The following MSRB3 variants were observed in gnomAD, a reference collection of about 807,000 sequenced individuals.
The protein encoded by MSRB3 is methionine-R-sulfoxide reductase B3.
Under a neutral mutation model 21.0 loss-of-function variants are expected in MSRB3, and 13 were observed. The observed-to-expected ratio is 0.62, with a 90% confidence interval of 0.40 to 0.98. The LOEUF is 0.98. MSRB3 is among the 50% of genes least tolerant of loss of function. The pLI, the probability that MSRB3 is intolerant of heterozygous loss-of-function variation, is 0.00. For missense variants in MSRB3, 199 were observed against 230.3 expected (o/e 0.86, Z 0.88); for synonymous variants, 87 against 88.6 (o/e 0.98, Z 0.10).
rs1592662446 is a variant in MSRB3, at chr12:65,464,965, C to T, written c.*1643C>T. 6.6e-6 allele frequency: 1 copy of T among 152,224 alleles called. No homozygotes were observed. Among genetic ancestry groups the T allele is most frequent in the Non-Finnish European group, 1.5e-5 (1 of 68,046 alleles). 9.4% of individuals were successfully genotyped at this position (152,224 alleles called of 1,614,324 possible). ...AATATTTGTAAAATGTATTGATACT[C>T]TCAGGGCAAATTCACTATATTGCTA... On this transcript the variant is annotated 3_prime_UTR_variant, in exon 7 of 7. Transcript: ENST00000308259.
chr12:65,389,623 G>A (rs10748018), intron 5 of MSRB3, among the ~76,000 whole-genome samples: 98,814 of 151,972 alleles, frequency 0.65, 32,248 homozygotes, highest in Admixed American at 0.72. Context: ...TCCATGTCCC[G>A]ATCCCTTCCC....
At chr12:65,340,778 T>G (rs1876085424) in intron 4 of MSRB3, among the ~76,000 whole-genome samples, 1 of 152,006 alleles carries the variant, frequency 6.6e-6, no homozygotes, top group Non-Finnish European at 1.5e-5. Context: ...AAAACTATTT[T>G]AACGTAAGAG....
At chr12:65,409,396 A>G (rs1358051701) in intron 5 of MSRB3, among the ~76,000 whole-genome samples, 1 of 152,114 alleles carries the variant, frequency 6.6e-6, no homozygotes, top group Non-Finnish European at 1.5e-5. Flanking sequence ...ATATTACTGT[A>G]TTGAATACTG....
chr12:65,313,951 T>C (rs1874140799), intron 2 of MSRB3, among the ~76,000 whole-genome samples: 1 of 152,208 alleles, frequency 6.6e-6, no homozygotes, highest in Non-Finnish European at 1.5e-5. Context: ...ATTATTGATA[T>C]TAGCACATAG....
chr12:65,346,641 T>C (rs1022278990), intron 4 of MSRB3, among the ~76,000 whole-genome samples: 1 of 152,192 alleles, frequency 6.6e-6, no homozygotes, highest in East Asian at 1.9e-4. Flanking sequence ...TTTGGTGTTT[T>C]AGACACGAAG....
At chr12:65,396,881 A>T (rs997991825) in intron 5 of MSRB3, among the ~76,000 whole-genome samples, 2 of 152,182 alleles carry the variant, frequency 1.3e-5, no homozygotes, top group Admixed American at 6.5e-5. Context: ...TATCCAGTTG[A>T]TTGATGGTGT....
At chr12:65,450,841 G>GTCTGTAAGGAGTATGATTTTA (rs1882823089) in intron 5 of MSRB3, among the ~76,000 whole-genome samples, 1 of 152,188 alleles carries the variant, frequency 6.6e-6, no homozygotes, top group African/African-American at 2.4e-5. Flanking sequence ...GCAGTGAAGA[G>GTCTGTAAGGAGTATGATTTTA]TTCCTTCTTT....
Position 65,278,874 on chromosome 12 carries a change from G to C in MSRB3, c.-52+9G>C. On this transcript the variant is annotated intron_variant, in intron 1 of 6. Transcript: ENST00000308259. ...GGGAAGTGCGCAGTCCGGTAAGTTC[G>C]GGCTCCCCTCCCCTCTCCTCCTCGC... The C allele has an allele frequency of 1.9e-6, 3 of 1,553,848 alleles. No homozygotes were observed. Among genetic ancestry groups the C allele is most frequent in the Non-Finnish European group, 2.6e-6 (3 of 1,148,370 alleles).
At chr12:65,450,538 T>C (rs1882811038) in intron 5 of MSRB3, among the ~76,000 whole-genome samples, 1 of 152,206 alleles carries the variant, frequency 6.6e-6, no homozygotes, top group African/African-American at 2.4e-5. Context: ...TGGGGTGAAC[T>C]GAGTCTGTTT....
chr12:65,430,924 C>G (rs1051098745), intron 5 of MSRB3, among the ~76,000 whole-genome samples: 3 of 152,050 alleles, frequency 2.0e-5, no homozygotes, highest in African/African-American at 7.2e-5. Flanking sequence ...TAGTTTTACC[C>G]TGAGAGGAAA....
intron 4 of MSRB3, among the ~76,000 whole-genome samples, chr12:65,345,751 G>A (rs892155265): frequency 2.6e-5 from 4 of 151,798 alleles, no homozygotes; most frequent in Non-Finnish European, 4.4e-5. Flanking sequence ...CCCACAACAC[G>A]CCACGGTGTG....
intron 5 of MSRB3, among the ~76,000 whole-genome samples, chr12:65,441,552 C>G (rs893881883): frequency 1.3e-5 from 2 of 151,858 alleles, no homozygotes; most frequent in Admixed American, 1.3e-4. Flanking sequence ...TTCATTCAAC[C>G]AAAATGTATT....
intron 6 of MSRB3, among the ~76,000 whole-genome samples, chr12:65,462,735 A>G (rs1883385175): frequency 6.6e-6 from 1 of 152,214 alleles, no homozygotes. Context: ...GGCCAGTTAA[A>G]CAGTATCTTT....
At chr12:65,347,921 C>A (rs1183103123) in intron 4 of MSRB3, among the ~76,000 whole-genome samples, 9 of 152,192 alleles carry the variant, frequency 5.9e-5, no homozygotes, top group Non-Finnish European at 1.2e-4. Context: ...AGCCTTGTAT[C>A]TCAGGGATGA....
In MSRB3 at chr12:65,278,689, C is replaced by T; in HGVS notation, c.-228C>T. ...TGCCCAGGAATTTCCCGTCATGCCT[C>T]CCGCCGCCCCGTCCGTCGCCCGGAG... On this transcript the variant is annotated 5_prime_UTR_variant, in exon 1 of 7. Transcript: ENST00000308259. The T allele has an allele frequency of 2.3e-6, 3 of 1,288,694 alleles. No individual in the cohort carries two copies. Among genetic ancestry groups the T allele is most frequent in the Non-Finnish European group, 3.3e-6 (3 of 920,770 alleles). 79.8% of individuals were successfully genotyped at this position (1,288,694 alleles called of 1,614,324 possible).
intron 4 of MSRB3, among the ~76,000 whole-genome samples, chr12:65,363,416 A>T (rs1184535806): frequency 6.6e-6 from 1 of 152,182 alleles, no homozygotes; most frequent in East Asian, 1.9e-4. Flanking sequence ...AGCTGTAACC[A>T]ATGACTAAAA....
chr12:65,294,521 G>A (rs767332084), intron 1 of MSRB3, among the ~76,000 whole-genome samples: 2 of 152,170 alleles, frequency 1.3e-5, no homozygotes, highest in Non-Finnish European at 2.9e-5. Context: ...TCTGACTGAG[G>A]AAGAACATGG....
At chr12:65,324,610 A>G (rs2136447506) in intron 2 of MSRB3, among the ~76,000 whole-genome samples, 1 of 152,304 alleles carries the variant, frequency 6.6e-6, no homozygotes, top group Non-Finnish European at 1.5e-5. Flanking sequence ...AATACTGACC[A>G]ACGGTTTTAT....
intron 6 of MSRB3, among the ~76,000 whole-genome samples, 175 bp from the exon 7 acceptor site, chr12:65,462,980 G>A (rs1039939994): frequency 2.0e-5 from 3 of 152,174 alleles, no homozygotes; most frequent in African/African-American, 4.8e-5. Flanking sequence ...AGCATGTGGC[G>A]CAAAGCCTGC....
Sources: gnomAD v4.1 joint callset for allele counts (sites outside exome capture counted in the v4.1 genomes callset) on GRCh38, gnomAD v4.1.1 for gene constraint, MANE v1.5 for transcripts, NCBI Gene and HGNC (gene_info 2026-07-23, HGNC 2026-07-21) for gene names.